The following PDE11A variants were observed in gnomAD, a reference collection of about 807,000 sequenced individuals.
PDE11A encodes dual 3',5'-cyclic-AMP and -GMP phosphodiesterase 11A.
PDE11A carries 100 observed loss-of-function variants against 100.5 expected under a neutral mutation model. That is an observed-to-expected ratio of 1.00 (90% CI 0.85 to 1.18). The LOEUF is 1.18. Ranked by LOEUF, PDE11A falls within the 50% of genes most tolerant of loss-of-function variation. The pLI, the probability that PDE11A is intolerant of heterozygous loss-of-function variation, is 0.00. For missense variants in PDE11A, 1,141 were observed against 1,152.6 expected, an observed-to-expected ratio of 0.99 and a Z score of 0.15; for synonymous variants, 381 against 420.8, an observed-to-expected ratio of 0.91 and a Z score of 1.16.
intron 19 of PDE11A, among the ~76,000 whole-genome samples, chr2:177,656,784 C>CACGA (rs1401459180): frequency 6.6e-6 from 1 of 152,218 alleles, no homozygotes; most frequent in Non-Finnish European, 1.5e-5. Context: ...ACAGAAGTCA[C>CACGA]AGCTTGGGCT....
chr2:178,063,794 A>G (rs1476241956), intron 1 of PDE11A, among the ~76,000 whole-genome samples: 1 of 152,214 alleles, frequency 6.6e-6, no homozygotes, highest in East Asian at 1.9e-4. Context: ...GAAATTAGCT[A>G]GCCCTGGGAG....
intron 2 of PDE11A, among the ~76,000 whole-genome samples, chr2:177,926,497 CT>C (rs2085126136): frequency 6.6e-6 from 1 of 152,014 alleles, no homozygotes; most frequent in South Asian, 2.1e-4. Flanking sequence ...GTAGATAGAA[CT>C]CAAATAAGCA....
intron 1 of PDE11A, among the ~76,000 whole-genome samples, chr2:178,060,924 C>A (rs2086960454): frequency 6.7e-6 from 1 of 149,016 alleles, no homozygotes; most frequent in Admixed American, 6.8e-5. Flanking sequence ...TTACATAAGC[C>A]ATTGTAAATA....
chr2:178,072,444 A>T lies in PDE11A; in HGVS notation c.-7T>A. ...CCAGGCGGGAGGCTGCCATGGTCCC[A>T]GACAGCTTTCCTTGCCTGTTTACAC... On this transcript the variant is annotated 5_prime_UTR_variant, in exon 1 of 20. Transcript: ENST00000286063. The T allele has an allele frequency of 6.2e-7, 1 of 1,613,184 alleles. No individual in the cohort carries two copies. Among genetic ancestry groups the T allele is most frequent in the Non-Finnish European group, 8.5e-7 (1 of 1,180,020 alleles).
In PDE11A at chr2:178,045,445, A is replaced by C. The variant is rs1014614678; in HGVS notation, c.912+26081T>G. On this transcript the variant is annotated intron_variant, in intron 1 of 19. Coordinates refer to ENST00000286063, the MANE Select transcript of PDE11A (RefSeq NM_016953.4). ...TAGTCCTTGGCAACACTGTCTCACA[A>C]CTTTGGTAAAGAGCATTGTGAAAAG... Among the ~76,000 whole-genome samples the C allele has an allele frequency of 4.6e-5, 7 of 152,322 alleles. No homozygotes were observed. In the East Asian group the frequency reaches 1.3e-3, roughly 29 times the overall value.
intron 19 of PDE11A, among the ~76,000 whole-genome samples, chr2:177,631,520 T>A (rs867816465): frequency 5.0e-4 from 4 of 7,980 alleles, no homozygotes; most frequent in South Asian, 0.012. Flanking sequence ...AAAATATATA[T>A]ATATATATAT....
At chr2:177,694,329 G>C (rs963196669) in intron 15 of PDE11A, among the ~76,000 whole-genome samples, 8 of 152,056 alleles carry the variant, frequency 5.3e-5, no homozygotes, top group Admixed American at 3.9e-4. Context: ...CTTCTACTTT[G>C]AGGAAAATAA....
intron 2 of PDE11A, among the ~76,000 whole-genome samples, chr2:177,907,934 A>C (rs1345137816): frequency 6.6e-6 from 1 of 152,138 alleles, no homozygotes; most frequent in Non-Finnish European, 1.5e-5. Context: ...TTTTTTTGTC[A>C]CTGATCCAGG....
At chr2:178,045,459 C>G (rs1024238945) in intron 1 of PDE11A, among the ~76,000 whole-genome samples, 1 of 152,166 alleles carries the variant, frequency 6.6e-6, no homozygotes. Context: ...TGGTAAAGAG[C>G]ATTGTGAAAA....
chr2:177,699,370 A>G (rs751089167), intron 14 of PDE11A, among the ~76,000 whole-genome samples: 37 of 152,238 alleles, frequency 2.4e-4, no homozygotes, highest in African/African-American at 1.2e-4. Context: ...CGTCGCACCA[A>G]TGTGGTCTCT....
chr2:177,964,162 T>C (rs997073642), intron 2 of PDE11A, among the ~76,000 whole-genome samples: 26 of 152,260 alleles, frequency 1.7e-4, no homozygotes, highest in African/African-American at 6.3e-4. Flanking sequence ...GGTTTTTTTT[T>C]TTATTGAGAC....
chr2:177,675,502 C>T lies in PDE11A; in HGVS notation c.2440G>A (p.Ala814Thr), dbSNP rs1247193379. Residue 814 changes from alanine to threonine, a missense_variant, in exon 17 of 20, where the codon GCC (alanine) becomes ACC (threonine). Transcript: ENST00000286063. Reference protein sequence around the residue: ...RDIFRSMLMTACDLGAVTKPW... With the variant: ...RDIFRSMLMTTCDLGAVTKPW... ...TTGGTCACGGCTCCAAGGTCACAGG[C>T]TGTCATTAACATTGATCTGAAAAAC... 1.2e-6 allele frequency: 2 copies of T among 1,613,376 alleles called. No individual in the cohort carries two copies. The highest frequency in any genetic ancestry group is 1.7e-5 in the Admixed American group (1 of 59,962).
rs768267362 is a variant in PDE11A, at chr2:177,625,826, C to T, written c.*3581G>A. The T allele has an allele frequency of 1.0e-4, 16 of 152,664 alleles. No individual in the cohort carries two copies. The highest frequency in any genetic ancestry group is 2.1e-4 in the South Asian group (1 of 4,824). 9.5% of individuals were successfully genotyped at this position (152,664 alleles called of 1,614,324 possible). On this transcript the variant is annotated 3_prime_UTR_variant, in exon 20 of 20. Transcript: ENST00000286063. The stretch of plus-strand genomic sequence containing the variant: ...AAAGGGATTAAAAACGCCTGAAACC[C>T]GCAAGAGTTCAACCTCTAACCTCTG...
chr2:177,863,008 A>G (rs2083969215), intron 5 of PDE11A, among the ~76,000 whole-genome samples: 2 of 152,002 alleles, frequency 1.3e-5, no homozygotes, highest in African/African-American at 4.8e-5. Context: ...AACAGAATAT[A>G]GAGCCCAGAA....
In PDE11A at chr2:178,079,336, C is replaced by T. The variant is rs572459251; in HGVS notation, c.162+24966G>A. Among the ~76,000 whole-genome samples, 5 of 152,112 alleles carry T rather than the reference C, an allele frequency of 3.3e-5. No homozygotes were observed. In the South Asian group the frequency reaches 1.0e-3, roughly 32 times the overall value. On this transcript the variant is annotated intron_variant, in intron 2 of 20. Transcript: ENST00000358450. ...CTAGTGTATGTTGTTCCCCACCTCC[C>T]CATGTCCATGTGTTCTCATTGTTCA...
intron 2 of PDE11A, among the ~76,000 whole-genome samples, chr2:177,996,219 C>T (rs2086072448): frequency 7.8e-6 from 1 of 128,996 alleles, no homozygotes; most frequent in South Asian, 2.9e-4. Flanking sequence ...AAGAGTGAAA[C>T]TCCGTCTCAA....
chr2:178,005,480 C>T (rs930310431), intron 2 of PDE11A, among the ~76,000 whole-genome samples: 16 of 152,058 alleles, frequency 1.1e-4, no homozygotes, highest in African/African-American at 3.9e-4. Flanking sequence ...AGCCCCATCT[C>T]TTAAAAAATT....
chr2:177,699,528 C>G (rs941320276), intron 14 of PDE11A, among the ~76,000 whole-genome samples: 1 of 152,156 alleles, frequency 6.6e-6, no homozygotes, highest in African/African-American at 2.4e-5. Context: ...TCTATTTTCA[C>G]GTTATGTGCC....
intron 6 of PDE11A, among the ~76,000 whole-genome samples, chr2:177,828,068 C>T (rs189307846): frequency 4.6e-5 from 7 of 152,198 alleles, no homozygotes; most frequent in Admixed American, 1.3e-4. Context: ...CCTGGTAAAA[C>T]ATAATTTCAT....
Sources: allele counts gnomAD v4.1 joint callset (sites outside exome capture counted in the v4.1 genomes callset), GRCh38; gene constraint gnomAD v4.1.1; transcripts MANE v1.5; gene names NCBI Gene and HGNC (gene_info 2026-07-23, HGNC 2026-07-21).